The following SSTR3 variants were observed in gnomAD, a reference collection of about 807,000 sequenced individuals.
SSTR3 encodes the protein somatostatin receptor 3.
For synonymous variants in SSTR3, 281 were observed against 269.2 expected (o/e 1.04, Z -0.43); for missense variants, 504 against 604.7 (o/e 0.83, Z 1.75).
Position 37,207,654 on chromosome 22 carries a change from G to C in SSTR3, c.150C>G (p.Val50=). The change falls in exon 2 of 2, where the codon GTC becomes GTG. Residue 50 remains valine (V), a synonymous_variant. Transcript: ENST00000610913. ...GGCCCACCACGCACACCACCAGGTAGACCAGGGGGATCAGAACGCCACTGA... is the reference window on the plus strand; with the variant it reads ...GGCCCACCACGCACACCACCAGGTACACCAGGGGGATCAGAACGCCACTGA... ...LAVSGVLIPL[V]YLVVCVVGLL... 6.3e-7 allele frequency: 1 copy of C among 1,588,422 alleles called. No individual in the cohort carries two copies. Among genetic ancestry groups the C allele is most frequent in the Non-Finnish European group, 8.6e-7 (1 of 1,163,736 alleles).
At chr22:37,211,735 C>T (rs1342617246) in intron 1 of SSTR3, 90 bp downstream of exon 1, 1 of 985,192 alleles carries the variant, frequency 1.0e-6, no homozygotes, top group South Asian at 4.7e-5. Context: ...TCTGCCTCCC[C>T]AGCCCCAGCC....
chr22:37,210,893 G>A (rs931077599), intron 1 of SSTR3: 6 of 985,364 alleles, frequency 6.1e-6, no homozygotes, highest in African/African-American at 1.7e-5. Context: ...AGCCATAAAT[G>A]TGAACAGCCA....
chr22:37,206,770 G>C lies in SSTR3; in HGVS notation c.1034C>G (p.Pro345Arg). 1 of 1,610,260 alleles carries C rather than the reference G, an allele frequency of 6.2e-7. No individual in the cohort carries two copies. The highest frequency in any genetic ancestry group is 8.5e-7 in the Non-Finnish European group (1 of 1,179,648). Reference protein sequence around the residue: ...VRSQEPTVGPPEKTEEEDEEE... With the variant: ...VRSQEPTVGPREKTEEEDEEE... The stretch of plus-strand genomic sequence containing the variant: ...CTCATCCTCCTCCTCAGTCTTCTCC[G>C]GGGGCCCCACAGTGGGCTCCTGGCT... Residue 345 changes from proline to arginine, a missense_variant, in exon 2 of 2, where the codon CCG becomes CGG. Pro to Arg is a moderately radical substitution (Grantham distance 103). Coordinates refer to ENST00000610913, the MANE Select transcript of SSTR3 (RefSeq NM_001051.5).
At chr22:37,214,401 T>G (rs1332336167), upstream of SSTR3, among the ~76,000 whole-genome samples, 1 of 152,250 alleles carries the variant, frequency 6.6e-6, no homozygotes, top group Non-Finnish European at 1.5e-5. Flanking sequence ...AAAAGAAATC[T>G]GTATGAACAG....
In SSTR3 at chr22:37,206,254, C is replaced by T; in HGVS notation, c.*293G>A. On this transcript the variant is annotated 3_prime_UTR_variant, in exon 2 of 2. Coordinates refer to ENST00000610913, the MANE Select transcript of SSTR3 (RefSeq NM_001051.5). ...TCCCTGGGGGGAGGCCAGTCTGCAC[C>T]CACCTTTTGCCTGCTCAGCCAGGTC... 1 of 376,136 alleles carries T rather than the reference C, an allele frequency of 2.7e-6. No homozygotes were observed. Among genetic ancestry groups the T allele is most frequent in the South Asian group, 6.3e-5 (1 of 15,934 alleles). The allele number at this position is 376,136 out of a possible 1,614,324, so 23.3% of individuals were successfully genotyped here. A position where few individuals can be genotyped will look rare whatever the true frequency, so the allele number is the denominator to read the frequency against.
Position 37,206,294 on chromosome 22 carries a change from G to T in SSTR3, c.*253C>A, listed in dbSNP as rs1294886099. On this transcript the variant is annotated 3_prime_UTR_variant, in exon 2 of 2. Coordinates refer to ENST00000610913, the MANE Select transcript of SSTR3 (RefSeq NM_001051.5). ...TCAGCCAGGTCAGCCCAGCAACAGT[G>T]CCCTCCAAACCTCTCATCTGACATA... The T allele has an allele frequency of 1.4e-5, 7 of 507,378 alleles. No homozygotes were observed. The Admixed American group carries it at 2.3e-4, about 17-fold the overall frequency. 31.4% of individuals were successfully genotyped at this position (507,378 alleles called of 1,614,324 possible).
chr22:37,210,546 T>A (rs980733932), intron 1 of SSTR3: 14 of 985,400 alleles, frequency 1.4e-5, no homozygotes, highest in Non-Finnish European at 1.7e-5. Flanking sequence ...AAGCCAGACC[T>A]GCAATTGAGG....
rs539026826 is a variant in SSTR3, at chr22:37,212,166, C to T, written c.-378G>A. Reference sequence around the variant, plus strand: ...AAGAGGGGAGCAAGGGACACAGAAGCCAATAGAAATAGAGGGGAAAGGGGG... The same window carrying T: ...AAGAGGGGAGCAAGGGACACAGAAGTCAATAGAAATAGAGGGGAAAGGGGG... On this transcript the variant is annotated 5_prime_UTR_variant, in exon 1 of 2. It introduces an in-frame stop codon into an upstream open reading frame of the 5' UTR. Transcript: ENST00000610913. The T allele has an allele frequency of 1.1e-5, 11 of 979,554 alleles. 1 individual carries two copies. The South Asian group carries it at 4.7e-4, about 42-fold the overall frequency. The allele number at this position is 979,554 out of a possible 1,614,324, so 60.7% of individuals were successfully genotyped here.
the SSTR3 span, among the ~76,000 whole-genome samples, chr22:37,219,274 TC>T: frequency 6.6e-6 from 1 of 152,204 alleles, no homozygotes; most frequent in African/African-American, 2.4e-5. Context: ...ATGGTGGATG[TC>T]TATTTACACG....
chr22:37,214,795 A>G (rs2145810810), upstream of SSTR3, among the ~76,000 whole-genome samples: 1 of 152,258 alleles, frequency 6.6e-6, no homozygotes, highest in South Asian at 2.1e-4. Context: ...TAAAATCCAC[A>G]GTCCCGACCG....
chr22:37,209,192 T>C (rs1022266754), intron 1 of SSTR3, among the ~76,000 whole-genome samples: 1 of 152,206 alleles, frequency 6.6e-6, no homozygotes, highest in Admixed American at 6.5e-5. Flanking sequence ...CTGCCCTATA[T>C]GGATGTCACT....
chr22:37,209,368 C>T (rs1262353490), intron 1 of SSTR3, among the ~76,000 whole-genome samples: 1 of 152,232 alleles, frequency 6.6e-6, no homozygotes, highest in Non-Finnish European at 1.5e-5. Context: ...GTGGCTTCTC[C>T]AGCTGGCTGG....
upstream of SSTR3, chr22:37,215,876 G>T: frequency 3.6e-6 from 1 of 275,932 alleles, no homozygotes; most frequent in Admixed American, 3.7e-5. Context: ...GATCCTGAAA[G>T]TCTTGTGAGA....
At position 37,205,373 on chromosome 22, in the gene SSTR3, AG is replaced by A. The variant is rs1250892269; in HGVS notation, c.*1173del. On this transcript the variant is annotated 3_prime_UTR_variant, in exon 2 of 2. Transcript: ENST00000610913. ...CAGATGCTACCACTGAGCTCAGCCC[AG>A]GGGGGCCAAAGACGGCTCCAGGAAA... 9.8e-5 allele frequency: 15 copies of A among 152,904 alleles called. No homozygotes were observed. The highest frequency in any genetic ancestry group is 2.2e-4 in the Non-Finnish European group (15 of 68,462). The allele number at this position is 152,904 out of a possible 1,614,324, so 9.5% of individuals were successfully genotyped here. A position where few individuals can be genotyped will look rare whatever the true frequency, so the allele number is the denominator to read the frequency against.
chr22:37,218,177 G>A, the SSTR3 span, among the ~76,000 whole-genome samples: 10 of 151,790 alleles, frequency 6.6e-5, no homozygotes, highest in African/African-American at 9.7e-5. Context: ...TATTTGATTG[G>A]GTCTCTTTCA....
chr22:37,214,709 A>G (rs1220044191), upstream of SSTR3, among the ~76,000 whole-genome samples: 2 of 151,950 alleles, frequency 1.3e-5, no homozygotes, highest in Non-Finnish European at 1.5e-5. Flanking sequence ...CAGCAGAGAG[A>G]GTGAGTCCAT....
intron 1 of SSTR3, among the ~76,000 whole-genome samples, 187 bp from the exon 2 acceptor site, chr22:37,208,026 G>A (rs545045589): frequency 6.6e-5 from 10 of 152,190 alleles, no homozygotes; most frequent in Middle Eastern, 3.2e-3. Context: ...AGGCTGAGTC[G>A]TGTTATCCCC....
chr22:37,212,094 G>T lies in SSTR3; in HGVS notation c.-306C>A, dbSNP rs901994885. ...CCATCTCCAGGACACATCCTGGGGGGGCAGGGGCAAGGATAGGGGGGAGAA... is the reference window on the plus strand; with the variant it reads ...CCATCTCCAGGACACATCCTGGGGGTGCAGGGGCAAGGATAGGGGGGAGAA... On this transcript the variant is annotated 5_prime_UTR_variant, in exon 1 of 2. Transcript: ENST00000610913. The T allele has an allele frequency of 9.1e-6, 9 of 985,458 alleles. No individual in the cohort carries two copies. The African/African-American group carries it at 1.2e-4, about 13-fold the overall frequency. 61.0% of individuals were successfully genotyped at this position (985,458 alleles called of 1,614,324 possible).
Position 37,209,265 on chromosome 22 carries a change from C to T in SSTR3, c.-36-1426G>A, listed in dbSNP as rs35911545. On this transcript the variant is annotated intron_variant, in intron 1 of 1. Transcript: ENST00000610913. ...AAATCCAAACAAACGCCTCTGAGCACGCCTGGCTACCCCTGCCCCAAGGAC... is the reference window on the plus strand; with the variant it reads ...AAATCCAAACAAACGCCTCTGAGCATGCCTGGCTACCCCTGCCCCAAGGAC... 2.2e-4 allele frequency among the ~76,000 whole-genome samples: 34 copies of T among 152,328 alleles called. No homozygotes were observed. The East Asian group carries it at 3.5e-3, about 16-fold the overall frequency.
Sources: allele counts gnomAD v4.1 joint callset (sites outside exome capture counted in the v4.1 genomes callset), GRCh38; gene constraint gnomAD v4.1.1; transcripts MANE v1.5; gene names NCBI Gene and HGNC (gene_info 2026-07-23, HGNC 2026-07-21).